Variants in SUPT16H observed in about 807,000 individuals in gnomAD.
SUPT16H encodes FACT complex subunit SPT16.
In SUPT16H, 24 loss-of-function variants were observed where a neutral mutation model predicts 136.2. The observed-to-expected ratio is 0.18, with a 90% CI of 0.13 to 0.25. The LOEUF (loss-of-function observed/expected upper bound fraction) is 0.25. Ranked by LOEUF, SUPT16H falls within the 10% of genes least tolerant of loss-of-function variation. The probability of loss-of-function intolerance (pLI) is 1.00; values close to 1 mark genes in which losing one functional copy is unlikely to be tolerated. For synonymous variants in SUPT16H, 415 were observed against 428.2 expected (o/e 0.97, Z 0.38); for missense variants, 623 against 1,270.2 (o/e 0.49, Z 7.74).
intron 1 of SUPT16H, 185 bp downstream of exon 1, chr14:21,383,677 G>A (rs1470141240): frequency 4.1e-6 from 3 of 729,834 alleles, no homozygotes; most frequent in East Asian, 2.7e-5. Context: ...GGGTGAATGC[G>A]GGGGATTCCC....
intron 1 of SUPT16H, among the ~76,000 whole-genome samples, chr14:21,377,783 C>T (rs1886935373): frequency 6.6e-6 from 1 of 152,134 alleles, no homozygotes. Context: ...GGCACCATGC[C>T]TGGTTAATTT....
intron 10 of SUPT16H, among the ~76,000 whole-genome samples, chr14:21,363,829 C>T (rs1311388420): frequency 6.6e-6 from 1 of 152,106 alleles, no homozygotes; most frequent in African/African-American, 2.4e-5. Flanking sequence ...CAGACGCGCA[C>T]CACCACACCT....
intron 22 of SUPT16H, among the ~76,000 whole-genome samples, chr14:21,356,893 C>T (rs1349268170): frequency 2.0e-5 from 3 of 152,186 alleles, no homozygotes; most frequent in South Asian, 2.1e-4. Flanking sequence ...GTTGGGAGAC[C>T]GACGTGGGAG....
rs1239549400 is a variant in SUPT16H, at chr14:21,357,381, C to G, written c.2491-15G>C. On this transcript the variant is annotated splice_polypyrimidine_tract_variant and intron_variant, in intron 21 of 25. Transcript: ENST00000216297. ...ACAAAAGGTGGCTGTCAGGGAGAAA[C>G]TGAATCATTAGCATATAAGTATTTC... is the stretch of plus-strand genomic sequence containing the variant. 1 of 1,562,462 alleles carries G rather than the reference C, an allele frequency of 6.4e-7. No homozygotes were observed.
chr14:21,377,233 G>A (rs1886922214), intron 1 of SUPT16H, among the ~76,000 whole-genome samples: 2 of 152,148 alleles, frequency 1.3e-5, no homozygotes, highest in Admixed American at 6.6e-5. Context: ...AAGAATATGA[G>A]CTTGAGACTA....
intron 6 of SUPT16H, 101 bp downstream of exon 6, chr14:21,369,103 T>G: frequency 7.3e-7 from 1 of 1,369,322 alleles, no homozygotes; most frequent in Non-Finnish European, 9.9e-7. Flanking sequence ...TATATACTTG[T>G]AGCCAAATTT....
intron 22 of SUPT16H, among the ~76,000 whole-genome samples, chr14:21,356,434 G>A (rs1455716029): frequency 2.0e-5 from 3 of 152,134 alleles, no homozygotes; most frequent in Admixed American, 6.5e-5. Flanking sequence ...GTATTGCCTC[G>A]TAGTAAGGCC....
chr14:21,359,439 A>C, intron 19 of SUPT16H, 45 bp downstream of exon 19: 1 of 1,600,048 alleles, frequency 6.2e-7, no homozygotes, highest in Non-Finnish European at 8.5e-7. Flanking sequence ...ATTTGGCCTC[A>C]TCCTCCCTCA....
rs1397688635 is a variant in SUPT16H, at chr14:21,357,301, C to T, written c.2556G>A (p.Leu852=). The stretch of plus-strand genomic sequence containing the variant: ...AGACGATTACCATATCAAAGTTCTT[C>T]AGGTGAAACTGGACCCGCTCAAAGT... The part of the protein sequence containing the change: ...LIHFERVQFH[L]KNFDMVIVYK... Residue 852 remains leucine, a synonymous_variant, in exon 22 of 26, where the codon CTG becomes CTA. Transcript: ENST00000216297. The T allele has an allele frequency of 5.6e-6, 9 of 1,613,322 alleles. No individual in the cohort carries two copies. The highest frequency in any genetic ancestry group is 7.6e-6 in the Non-Finnish European group (9 of 1,179,650).
chr14:21,363,630 G>GT, intron 10 of SUPT16H, 127 bp from the exon 11 acceptor site: 1 of 796,802 alleles, frequency 1.3e-6, no homozygotes. Context: ...AATAAATATA[G>GT]TTTTTATCCT....
intron 1 of SUPT16H, among the ~76,000 whole-genome samples, chr14:21,378,860 A>C (rs1886960343): frequency 6.6e-6 from 1 of 152,204 alleles, no homozygotes; most frequent in Non-Finnish European, 1.5e-5. Flanking sequence ...TTACTGATTA[A>C]AATAATTTTG....
intron 3 of SUPT16H, 45 bp downstream of exon 3, chr14:21,371,829 T>G: frequency 1.2e-6 from 2 of 1,605,620 alleles, no homozygotes; most frequent in East Asian, 2.2e-5. Context: ...TCATCCCTTT[T>G]GAAGATTCTT....
chr14:21,354,293 T>C (rs1886382123), intron 23 of SUPT16H, 118 bp downstream of exon 23: 1 of 1,155,080 alleles, frequency 8.7e-7, no homozygotes, highest in Non-Finnish European at 1.2e-6. Context: ...TATCAAGTGG[T>C]GTTTAGAGCT....
Position 21,352,692 on chromosome 14 carries a change from G to A in SUPT16H, c.3125C>T (p.Pro1042Leu), listed in dbSNP as rs1239770576. 8 of 1,613,952 alleles carry A rather than the reference G, an allele frequency of 5.0e-6. No individual in the cohort carries two copies. Among genetic ancestry groups the A allele is most frequent in the Non-Finnish European group, 6.8e-6 (8 of 1,180,000 alleles). ...NRGSRHSSAP[P>L]KKKRK ...CAGAAGTTACTTCCTCTTTTTCTTGGGGGGTGCAGAGCTGTGTCTGGAACC... is the reference window on the plus strand; with the variant it reads ...CAGAAGTTACTTCCTCTTTTTCTTGAGGGGTGCAGAGCTGTGTCTGGAACC... Residue 1042 changes from proline (P) to leucine (L), a missense_variant, in exon 26 of 26, where the codon CCC becomes CTC. Coordinates refer to ENST00000216297, the MANE Select transcript of SUPT16H (RefSeq NM_007192.4).
chr14:21,369,274 T>C lies in SUPT16H; in HGVS notation c.712A>G (p.Thr238Ala), dbSNP rs1276900909. Residue 238 changes from threonine to alanine, a missense_variant, in exon 6 of 26, where the codon ACT (threonine) becomes GCT (alanine). Transcript: ENST00000216297. ...ATAGGAGGGTAACACATTTCCACAG[T>C]AGAAGGGTCTGCCCCAGCAAGGTAT... is the stretch of plus-strand genomic sequence containing the variant. Reference protein sequence around the residue: ...KKYLAGADPSTVEMCYPPIIQ... With the variant: ...KKYLAGADPSAVEMCYPPIIQ... The C allele has an allele frequency of 4.3e-6, 7 of 1,614,192 alleles. 1 individual carries two copies. In the South Asian group the frequency reaches 5.5e-5, roughly 13 times the overall value.
chr14:21,382,421 T>C (rs991765993), intron 1 of SUPT16H, among the ~76,000 whole-genome samples: 1 of 152,246 alleles, frequency 6.6e-6, no homozygotes, highest in African/African-American at 2.4e-5. Flanking sequence ...TGCCAACCTG[T>C]CTTCAGGCCA....
chr14:21,363,121 C>T lies in SUPT16H; in HGVS notation c.1424G>A (p.Arg475Lys). The T allele has an allele frequency of 3.1e-6, 5 of 1,613,786 alleles. No homozygotes were observed. The highest frequency in any genetic ancestry group is 2.2e-5 in the East Asian group (1 of 44,886). Residue 475 changes from arginine (R) to lysine (K), a missense_variant, in exon 13 of 26, where the codon AGA becomes AAA. Coordinates refer to ENST00000216297, the MANE Select transcript of SUPT16H (RefSeq NM_007192.4). ...RNEMTAEEKR[R>K]AHQKELAAQL... ...AGCCGCTAGTTCTTTCTGATGTGCT[C>T]TTCGCTTCTCTTCTGCAGTCATTTC...
Position 21,363,140 on chromosome 14 carries a change from T to C in SUPT16H, c.1405A>G (p.Thr469Ala). 2 of 1,613,920 alleles carry C rather than the reference T, an allele frequency of 1.2e-6. No homozygotes were observed. The highest frequency in any genetic ancestry group is 1.7e-6 in the Non-Finnish European group (2 of 1,180,038). ...TGTGCTCTTCGCTTCTCTTCTGCAG[T>C]CATTTCATTCTGGTGAATGGAAAAT... ...LLTERTRNEM[T>A]AEEKRRAHQK... Residue 469 changes from threonine to alanine, a missense_variant, in exon 13 of 26, where the codon ACT becomes GCT. By Grantham distance (58) the Thr-to-Ala change is moderately conservative. Around this residue, in one of 7 missense-constraint regions of SUPT16H, gnomAD observed 30 missense variants for 44.8 expected, o/e 0.67. Coordinates refer to ENST00000216297, the MANE Select transcript of SUPT16H (RefSeq NM_007192.4).
chr14:21,358,187 G>A (rs1224572628), intron 20 of SUPT16H, 128 bp downstream of exon 20: 2 of 809,040 alleles, frequency 2.5e-6, no homozygotes, highest in Non-Finnish European at 3.9e-6. Context: ...AGAAAAAATG[G>A]ATGTCTCAAA....
Sources: allele counts gnomAD v4.1 joint callset (sites outside exome capture counted in the v4.1 genomes callset), GRCh38; gene constraint gnomAD v4.1.1; regional missense constraint gnomAD v4.1.1; transcripts MANE v1.5; gene names NCBI Gene and HGNC (gene_info 2026-07-23, HGNC 2026-07-21).